LCP1: variants seen among roughly 807,000 people sequenced by gnomAD.
LCP1 encodes lymphocyte cytosolic protein 1.
LCP1 carries 23 observed loss-of-function variants against 72.0 expected under a neutral mutation model. The ratio of observed to expected loss-of-function variants is 0.32; its 90% CI spans 0.23 to 0.45. LCP1 has a LOEUF of 0.45. Among genes scored for constraint, LCP1 ranks in the 20% least tolerant of loss-of-function variants. LCP1 has a pLI of 1.00. For missense variants in LCP1, 571 were observed against 748.3 expected (o/e 0.76, Z 2.76); for synonymous variants, 245 against 275.4 (o/e 0.89, Z 1.09).
chr13:46,167,063 C>T lies in LCP1; in HGVS notation c.-24-7377G>A, dbSNP rs190202267. On this transcript the variant is annotated intron_variant, in intron 1 of 15. Coordinates refer to ENST00000323076, the MANE Select transcript of LCP1 (RefSeq NM_002298.5). ...CTCCTCCAGATTGTCCTTTTTCTCC[C>T]TGCAGATACATGGATTCTCTCAAAG... Among the ~76,000 whole-genome samples, 195 of 152,258 alleles carry T rather than the reference C, an allele frequency of 1.3e-3. No individual in the cohort carries two copies. The Middle Eastern group carries it at 0.024, about 19-fold the overall frequency.
chr13:46,136,884 G>A (rs1182138418), intron 13 of LCP1, among the ~76,000 whole-genome samples: 1 of 152,188 alleles, frequency 6.6e-6, no homozygotes, highest in Non-Finnish European at 1.5e-5. Flanking sequence ...CCCTTCATCA[G>A]GAGTTGCAGC....
intron 15 of LCP1, among the ~76,000 whole-genome samples, chr13:46,128,765 T>C (rs2045616799): frequency 6.6e-6 from 1 of 152,224 alleles, no homozygotes; most frequent in Admixed American, 6.5e-5. Context: ...TCAGAACATT[T>C]TTGCTCTATT....
intron 13 of LCP1, among the ~76,000 whole-genome samples, chr13:46,134,864 G>A (rs1056676378): frequency 6.6e-6 from 1 of 151,972 alleles, no homozygotes; most frequent in Admixed American, 6.6e-5. Flanking sequence ...GGCACTTTAG[G>A]AGGCCAAGGT....
In LCP1 at chr13:46,126,748, T is replaced by C. The variant is rs906756842; in HGVS notation, c.*843A>G. 3.5e-5 allele frequency: 8 copies of C among 231,074 alleles called. No homozygotes were observed. The highest frequency in any genetic ancestry group is 5.6e-5 in the Admixed American group (1 of 17,702). The allele number at this position is 231,074 out of a possible 1,614,324, so 14.3% of individuals were successfully genotyped here. A position where few individuals can be genotyped will look rare whatever the true frequency, so the allele number is the denominator to read the frequency against. Reference sequence around the variant, plus strand: ...GTTATAGCTCCATGCTGCCGCCGAGTGGCTTGATGCTCCATTACACCCTCC... The same window carrying C: ...GTTATAGCTCCATGCTGCCGCCGAGCGGCTTGATGCTCCATTACACCCTCC... On this transcript the variant is annotated 3_prime_UTR_variant, in exon 16 of 16. Transcript: ENST00000323076.
chr13:46,134,338 C>T (rs1435276592), intron 13 of LCP1, 88 bp from the exon 14 acceptor site: 9 of 1,253,884 alleles, frequency 7.2e-6, no homozygotes, highest in East Asian at 2.4e-5. Flanking sequence ...ATTTTTTTTT[C>T]GGGTATGTCA....
chr13:46,161,209 G>T (rs1171192757), intron 1 of LCP1, among the ~76,000 whole-genome samples: 1 of 152,118 alleles, frequency 6.6e-6, no homozygotes, highest in Non-Finnish European at 1.5e-5. Flanking sequence ...AGAGTCTTTG[G>T]TTGAAAAAAC....
At chr13:46,147,966 T>G (rs567593349) in intron 9 of LCP1, among the ~76,000 whole-genome samples, 1 of 152,342 alleles carries the variant, frequency 6.6e-6, no homozygotes, top group East Asian at 1.9e-4. Context: ...TCATTGGATT[T>G]AACTCCAGTG....
chr13:46,127,565 C>T lies in LCP1; in HGVS notation c.*26G>A, dbSNP rs370375791. On this transcript the variant is annotated 3_prime_UTR_variant, in exon 16 of 16. Coordinates refer to ENST00000323076, the MANE Select transcript of LCP1 (RefSeq NM_002298.5). Reference sequence around the variant, plus strand: ...GCCGGGCAGTCAGGAGTGAGTGCACCGCCTCCCACCCAGCCCCATTGGGCC... The same window carrying T: ...GCCGGGCAGTCAGGAGTGAGTGCACTGCCTCCCACCCAGCCCCATTGGGCC... 68 of 1,613,094 alleles carry T rather than the reference C, an allele frequency of 4.2e-5. No homozygotes were observed. The highest frequency in any genetic ancestry group is 1.7e-4 in the Middle Eastern group (1 of 5,948).
In LCP1 at chr13:46,127,684, C is replaced by T. The variant is rs2045607363; in HGVS notation, c.1791G>A (p.Val597=). ...ISMARKIGAR[V]YALPEDLVEV... is the part of the protein sequence containing the mutation. The stretch of plus-strand genomic sequence containing the variant: ...CAACCAGGTCTTCTGGCAGGGCATA[C>T]ACTCTTGCTCCAATTTTTCGGGCCA... The change falls in exon 16 of 16, where the codon GTG becomes GTA. Residue 597 remains valine (V), a synonymous_variant. Coordinates refer to ENST00000323076, the MANE Select transcript of LCP1 (RefSeq NM_002298.5). The T allele has an allele frequency of 6.2e-7, 1 of 1,614,148 alleles. No homozygotes were observed. The highest frequency in any genetic ancestry group is 1.7e-5 in the Admixed American group (1 of 60,014).
intron 13 of LCP1, among the ~76,000 whole-genome samples, chr13:46,140,513 G>A (rs1460604011): frequency 6.6e-6 from 1 of 152,122 alleles, no homozygotes. Flanking sequence ...CTGTATTTAA[G>A]TTACTTAAGT....
intron 7 of LCP1, 104 bp from the exon 8 acceptor site, chr13:46,151,182 C>G (rs1228930034): frequency 5.3e-6 from 6 of 1,122,374 alleles, no homozygotes; most frequent in Non-Finnish European, 7.5e-6. Flanking sequence ...AAGATAACAA[C>G]GTTACCTCTT....
intron 10 of LCP1, among the ~76,000 whole-genome samples, chr13:46,144,723 T>A (rs1279916358): frequency 6.6e-6 from 1 of 152,256 alleles, no homozygotes; most frequent in Non-Finnish European, 1.5e-5. Context: ...ATTTCTATAG[T>A]ATCTATTAAT....
chr13:46,178,084 T>A (rs2045940390), intron 1 of LCP1, among the ~76,000 whole-genome samples: 2 of 152,072 alleles, frequency 1.3e-5, no homozygotes, highest in African/African-American at 2.4e-5. Context: ...TTGATCCAAT[T>A]GTAGAAAATT....
chr13:46,134,186 T>C lies in LCP1; in HGVS notation c.1567A>G (p.Asn523Asp). ...GQKVNDDIIV[N>D]WVNETLREAK... ...TCCCTCAATGTTTCATTCACCCAGT[T>C]GACAATAATGTCATCATTGACCTTC... The change falls in exon 14 of 16, where the codon AAC becomes GAC. Residue 523 changes from asparagine to aspartate, a missense_variant. Asn to Asp is a conservative substitution (Grantham distance 23). Coordinates refer to ENST00000323076, the MANE Select transcript of LCP1 (RefSeq NM_002298.5). The C allele has an allele frequency of 6.2e-7, 1 of 1,613,026 alleles. No individual in the cohort carries two copies. Among genetic ancestry groups the C allele is most frequent in the Non-Finnish European group, 8.5e-7 (1 of 1,179,076 alleles).
intron 13 of LCP1, among the ~76,000 whole-genome samples, chr13:46,135,970 C>CCAGCACA (rs2045662624): frequency 6.6e-6 from 1 of 152,090 alleles, no homozygotes; most frequent in Admixed American, 6.6e-5. Flanking sequence ...AGGTTAAGCT[C>CCAGCACA]CAGCACACAG....
Position 46,127,376 on chromosome 13 carries a change from T to C in LCP1, c.*215A>G. ...TTCGAAGAAGCAAATAAATCAAGAA[T>C]AGAAACCTATATATAGGAGGTTGGG... On this transcript the variant is annotated 3_prime_UTR_variant, in exon 16 of 16. Transcript: ENST00000323076. The C allele has an allele frequency of 2.3e-6, 1 of 427,726 alleles. No homozygotes were observed. Among genetic ancestry groups the C allele is most frequent in the East Asian group, 3.5e-5 (1 of 28,556 alleles). The allele number at this position is 427,726 out of a possible 1,614,324, so 26.5% of individuals were successfully genotyped here.
chr13:46,176,521 T>C (rs1047746283), intron 1 of LCP1, among the ~76,000 whole-genome samples: 2 of 152,196 alleles, frequency 1.3e-5, no homozygotes, highest in Admixed American at 1.3e-4. Flanking sequence ...AGGGAAAATA[T>C]GCAAATTTTA....
intron 1 of LCP1, among the ~76,000 whole-genome samples, chr13:46,170,356 C>T (rs2138279178): frequency 6.6e-6 from 1 of 152,378 alleles, no homozygotes; most frequent in African/African-American, 2.4e-5. Context: ...CTAGCCCTAC[C>T]TTGCCAGCCG....
At position 46,151,078 on chromosome 13, in the gene LCP1, G is replaced by A. The variant is rs1325387262; in HGVS notation, c.740C>T (p.Ala247Val). The change falls in exon 8 of 16, where the codon GCT (alanine) becomes GTT (valine). Residue 247 changes from alanine to valine, a missense_variant and splice_region_variant. Ala to Val is a moderately conservative substitution (Grantham distance 64). Transcript: ENST00000323076. ...FADIELSRNEALIALLREGES... is the reference protein window; with the variant it reads ...FADIELSRNEVLIALLREGES... ...ACCTTCTCTCAAAAGAGCAATCAGA[G>A]CTGAAGAAGCACAAAAACCACAGAA... is the stretch of plus-strand genomic sequence containing the variant. The A allele has an allele frequency of 4.4e-6, 7 of 1,604,338 alleles. No individual in the cohort carries two copies. The highest frequency in any genetic ancestry group is 5.1e-6 in the Non-Finnish European group (6 of 1,177,472).
Sources: gnomAD v4.1 joint callset for allele counts (sites outside exome capture counted in the v4.1 genomes callset) on GRCh38, gnomAD v4.1.1 for gene constraint, MANE v1.5 for transcripts, NCBI Gene and HGNC (gene_info 2026-07-23, HGNC 2026-07-21) for gene names.